Variants in SDK1 observed in about 807,000 individuals in gnomAD.
SDK1 encodes protein sidekick-1.
SDK1 carries 157 observed loss-of-function variants against 245.5 expected under a neutral mutation model. The ratio of observed to expected loss-of-function variants is 0.64; its 90% confidence interval spans 0.56 to 0.73. The LOEUF (loss-of-function observed/expected upper bound fraction) is 0.73, where lower values mean the gene tolerates loss of function less well. Among genes scored for constraint, SDK1 ranks in the 30% least tolerant of loss-of-function variants. The probability of loss-of-function intolerance (pLI) is 0.00; values close to 1 mark genes in which losing one functional copy is unlikely to be tolerated. For synonymous variants in SDK1, 1,647 were observed against 1,278.5 expected (o/e 1.29, Z -6.15); for missense variants, 3,583 against 3,002.3 (o/e 1.19, Z -4.52).
At chr7:3,550,348 C>T (rs1779361038) in intron 1 of SDK1, among the ~76,000 whole-genome samples, 1 of 152,118 alleles carries the variant, frequency 6.6e-6, no homozygotes, top group Non-Finnish European at 1.5e-5. Flanking sequence ...TAAATGTAGT[C>T]TCCAGATGAA....
chr7:3,933,123 C>CTTTTTTT (rs11364780), intron 5 of SDK1, among the ~76,000 whole-genome samples: 10 of 83,276 alleles, frequency 1.2e-4, no homozygotes, highest in African/African-American at 2.8e-4. Flanking sequence ...GCTCCTGGAT[C>CTTTTTTT]TTTTTTTTTT....
At chr7:3,581,847 G>A (rs1298798659) in intron 1 of SDK1, among the ~76,000 whole-genome samples, 1 of 152,208 alleles carries the variant, frequency 6.6e-6, no homozygotes, top group Non-Finnish European at 1.5e-5. Flanking sequence ...TCCTTTGCAG[G>A]GACATGGGTG....
Position 3,987,266 on chromosome 7 carries a change from G to A in SDK1, c.2075G>A (p.Arg692Gln), listed in dbSNP as rs201922642. The A allele has an allele frequency of 5.9e-5, 95 of 1,614,058 alleles. 1 individual carries two copies. The highest frequency in any genetic ancestry group is 3.3e-4 in the Middle Eastern group (2 of 6,062). Residue 692 changes from arginine (R) to glutamine (Q), a missense_variant, in exon 14 of 45, where the codon CGG becomes CAG. Physicochemically the swap from Arg to Gln is conservative, Grantham distance 43. Transcript: ENST00000404826. The stretch of plus-strand genomic sequence containing the variant: ...CACGCCGTGGTGCTCTCTTGGGTCC[G>A]GCCCTTTGATGGAAACAGTCCTATT... ...HSHAVVLSWV[R>Q]PFDGNSPILY...
At chr7:4,117,116 A>C (rs1296406139) in intron 25 of SDK1, among the ~76,000 whole-genome samples, 1 of 152,236 alleles carries the variant, frequency 6.6e-6, no homozygotes, top group Non-Finnish European at 1.5e-5. Flanking sequence ...AGTTTTTCAG[A>C]ATTAAAACTT....
chr7:3,983,293 G>A (rs1225793458), intron 13 of SDK1, among the ~76,000 whole-genome samples: 1 of 152,158 alleles, frequency 6.6e-6, no homozygotes, highest in Non-Finnish European at 1.5e-5. Flanking sequence ...CTACAGAAAA[G>A]TCTTTCATGA....
chr7:3,645,909 A>G (rs1178572487), intron 4 of SDK1, among the ~76,000 whole-genome samples: 2 of 151,490 alleles, frequency 1.3e-5, no homozygotes, highest in African/African-American at 4.9e-5. Flanking sequence ...CCCAGGCTGG[A>G]GTGCAGTGGC....
At chr7:3,542,821 T>G (rs552527454) in intron 1 of SDK1, among the ~76,000 whole-genome samples, 21 of 152,130 alleles carry the variant, frequency 1.4e-4, no homozygotes, top group African/African-American at 5.1e-4. Flanking sequence ...GAGAGAGAAA[T>G]TAGAAAAAAC....
chr7:3,930,161 T>A (rs1289473500), intron 5 of SDK1, among the ~76,000 whole-genome samples: 2 of 152,150 alleles, frequency 1.3e-5, no homozygotes, highest in African/African-American at 2.4e-5. Flanking sequence ...TGACACCCAC[T>A]GAGACTTCGC....
intron 1 of SDK1, among the ~76,000 whole-genome samples, chr7:3,334,865 CA>C (rs1780158974): frequency 6.6e-6 from 1 of 152,028 alleles, no homozygotes; most frequent in Non-Finnish European, 1.5e-5. Flanking sequence ...TGTTTGAAAC[CA>C]CTCTTGATTT....
At chr7:3,861,701 G>T (rs1045407809) in intron 5 of SDK1, among the ~76,000 whole-genome samples, 5 of 152,124 alleles carry the variant, frequency 3.3e-5, no homozygotes, top group Non-Finnish European at 7.4e-5. Flanking sequence ...CACCAAGATT[G>T]ATTTGTAAAA....
intron 5 of SDK1, among the ~76,000 whole-genome samples, chr7:3,829,270 T>C (rs1779856020): frequency 6.6e-6 from 1 of 152,184 alleles, no homozygotes; most frequent in South Asian, 2.1e-4. Context: ...TTAGGTGATC[T>C]AGGAACAACA....
chr7:3,719,902 G>T lies in SDK1; in HGVS notation c.713+77797G>T, dbSNP rs185859134. On this transcript the variant is annotated intron_variant, in intron 4 of 44. Transcript: ENST00000404826. ...TGAGGCAAGAGAATTGCTTGAACCCGGGAGGCGGAAGTTGCAGTGAGCCGA... is the reference window on the plus strand; with the variant it reads ...TGAGGCAAGAGAATTGCTTGAACCCTGGAGGCGGAAGTTGCAGTGAGCCGA... 8.9e-4 allele frequency among the ~76,000 whole-genome samples: 135 copies of T among 151,922 alleles called. No homozygotes were observed. The Middle Eastern group carries it at 0.01, about 11-fold the overall frequency.
intron 4 of SDK1, among the ~76,000 whole-genome samples, chr7:3,716,158 C>T (rs890494066): frequency 2.0e-5 from 3 of 148,964 alleles, no homozygotes; most frequent in Admixed American, 6.7e-5. Flanking sequence ...GAGGCTGTAA[C>T]CAAAGATCTA....
chr7:3,672,126 C>A (rs753815684), intron 4 of SDK1, among the ~76,000 whole-genome samples: 1 of 151,922 alleles, frequency 6.6e-6, no homozygotes, highest in Admixed American at 6.6e-5. Flanking sequence ...TGAGGAGTGG[C>A]GGGTCATGGT....
Position 4,130,103 on chromosome 7 carries a change from T to C in SDK1, c.4129+6T>C, listed in dbSNP as rs756535102. 2.5e-6 allele frequency: 4 copies of C among 1,582,130 alleles called. No individual in the cohort carries two copies. Among genetic ancestry groups the C allele is most frequent in the Non-Finnish European group, 3.5e-6 (4 of 1,158,350 alleles). On this transcript the variant is annotated splice_donor_region_variant and intron_variant, in intron 27 of 44. Transcript: ENST00000404826. ...GGAGCGCACCAAAGACGATGGTAGG[T>C]CCAGGGTTCGCGCCTTCGGGAGCCT...
At chr7:4,124,922 G>C (rs973267945) in intron 25 of SDK1, among the ~76,000 whole-genome samples, 15 of 149,320 alleles carry the variant, frequency 1.0e-4, no homozygotes, top group Non-Finnish European at 1.9e-4. Flanking sequence ...ATGGATGGGT[G>C]GGTAGATGGA....
chr7:3,785,704 TAAA>T (rs753617808), intron 4 of SDK1, among the ~76,000 whole-genome samples: 4 of 151,514 alleles, frequency 2.6e-5, no homozygotes, highest in Admixed American at 6.6e-5. Flanking sequence ...GGCATTTATT[TAAA>T]AAAAAATACA....
intron 29 of SDK1, among the ~76,000 whole-genome samples, 158 bp downstream of exon 29, chr7:4,146,074 A>C (rs1045666693): frequency 1.3e-5 from 2 of 152,160 alleles, no homozygotes; most frequent in East Asian, 3.9e-4. Context: ...TGCACCTGAC[A>C]TGGAGCTGGA....
intron 1 of SDK1, among the ~76,000 whole-genome samples, chr7:3,615,675 C>T (rs1292061214): frequency 6.6e-6 from 1 of 151,192 alleles, no homozygotes; most frequent in Non-Finnish European, 1.5e-5. Flanking sequence ...TCCTTCTTGA[C>T]ATCTCCCTCT....
Sources: allele counts gnomAD v4.1 joint callset (sites outside exome capture counted in the v4.1 genomes callset), GRCh38; gene constraint gnomAD v4.1.1; transcripts MANE v1.5; gene names NCBI Gene and HGNC (gene_info 2026-07-23, HGNC 2026-07-21).